SSBP2: variants seen among roughly 807,000 people sequenced by gnomAD.
SSBP2 encodes single-stranded DNA-binding protein 2.
A neutral mutation model predicts 61.8 loss-of-function variants in SSBP2; 17 were observed. The observed-to-expected ratio is 0.28, with a 90% CI of 0.19 to 0.41. The LOEUF (loss-of-function observed/expected upper bound fraction) is 0.41. Ranked by LOEUF, SSBP2 falls within the 10% of genes least tolerant of loss-of-function variation. SSBP2 has a pLI of 1.00. For missense variants in SSBP2, 310 were observed against 458.7 expected, an observed-to-expected ratio of 0.68 and a Z score of 2.96; for synonymous variants, 139 against 141.3, an observed-to-expected ratio of 0.98 and a Z score of 0.12.
At chr5:81,722,530 C>T (rs555455962) in intron 1 of SSBP2, among the ~76,000 whole-genome samples, 2 of 151,840 alleles carry the variant, frequency 1.3e-5, no homozygotes, top group Non-Finnish European at 2.9e-5. Flanking sequence ...ATGGCATGCC[C>T]TGCTAAAGAA....
chr5:81,470,919 C>T (rs1027183108), intron 8 of SSBP2, among the ~76,000 whole-genome samples: 12 of 151,704 alleles, frequency 7.9e-5, no homozygotes, highest in Non-Finnish European at 1.0e-4. Context: ...GAAATAAATA[C>T]GTCATAAGAT....
At chr5:81,518,426 C>T (rs1167991362) in intron 4 of SSBP2, among the ~76,000 whole-genome samples, 1 of 152,046 alleles carries the variant, frequency 6.6e-6, no homozygotes, top group East Asian at 1.9e-4. Flanking sequence ...ATTACACGTC[C>T]TTATAAAAGG....
At chr5:81,516,987 C>A (rs1198536273) in intron 4 of SSBP2, among the ~76,000 whole-genome samples, 2 of 151,974 alleles carry the variant, frequency 1.3e-5, no homozygotes, top group African/African-American at 2.4e-5. Context: ...GATGTTGTGA[C>A]AAAAATCACA....
At chr5:81,654,383 A>C (rs1750028510) in intron 1 of SSBP2, among the ~76,000 whole-genome samples, 1 of 152,202 alleles carries the variant, frequency 6.6e-6, no homozygotes. Context: ...AATTTCCCTG[A>C]AAGTCAGTTT....
intron 2 of SSBP2, among the ~76,000 whole-genome samples, chr5:81,647,055 G>T (rs1274002728): frequency 6.6e-6 from 1 of 152,114 alleles, no homozygotes; most frequent in African/African-American, 2.4e-5. Flanking sequence ...GATGTACTCA[G>T]CAATGGCTTA....
chr5:81,481,947 A>G (rs942189776), intron 6 of SSBP2, among the ~76,000 whole-genome samples: 7 of 151,712 alleles, frequency 4.6e-5, no homozygotes, highest in African/African-American at 1.7e-4. Context: ...ATTTAGTATA[A>G]AATTTTTTTT....
intron 2 of SSBP2, among the ~76,000 whole-genome samples, chr5:81,646,220 A>T (rs1224061422): frequency 6.6e-6 from 1 of 152,140 alleles, no homozygotes; most frequent in East Asian, 1.9e-4. Context: ...CATTAACATC[A>T]CGGTCCTTCT....
Position 81,413,373 on chromosome 5 carries a change from T to C in SSBP2, c.*7131A>G, listed in dbSNP as rs1022541872. ...AGGTAGCTGGTGGCCATCGTTGAAT[T>C]AAGAATAGTAGATTACTAAGAGTCA... On this transcript the variant is annotated 3_prime_UTR_variant, in exon 17 of 17. Coordinates refer to ENST00000320672, the MANE Select transcript of SSBP2 (RefSeq NM_012446.5). 1 of 152,210 alleles carries C rather than the reference T, an allele frequency of 6.6e-6. No individual in the cohort carries two copies. The highest frequency in any genetic ancestry group is 1.5e-5 in the Non-Finnish European group (1 of 68,018). 9.4% of individuals were successfully genotyped at this position (152,210 alleles called of 1,614,324 possible). A position where few individuals can be genotyped will look rare whatever the true frequency, so the allele number is the denominator to read the frequency against.
intron 8 of SSBP2, among the ~76,000 whole-genome samples, chr5:81,472,719 C>T (rs1181766079): frequency 4.6e-5 from 7 of 152,124 alleles, no homozygotes; most frequent in Non-Finnish European, 8.8e-5. Flanking sequence ...TCTGCCTCAT[C>T]CTCTCGAGTA....
chr5:81,550,413 T>G (rs530138053), intron 4 of SSBP2, among the ~76,000 whole-genome samples: 1 of 152,306 alleles, frequency 6.6e-6, no homozygotes, highest in Admixed American at 6.5e-5. Flanking sequence ...GTTGAATAAA[T>G]AGCATTATTG....
intron 1 of SSBP2, among the ~76,000 whole-genome samples, chr5:81,722,655 C>T (rs184393033): frequency 8.5e-5 from 13 of 152,062 alleles, no homozygotes; most frequent in African/African-American, 3.1e-4. Context: ...TTTCTCTAAG[C>T]CTTTGTTTCC....
At chr5:81,680,391 G>T in intron 1 of SSBP2, among the ~76,000 whole-genome samples, 1 of 148,582 alleles carries the variant, frequency 6.7e-6, no homozygotes, top group African/African-American at 2.5e-5. Flanking sequence ...TAATCTATAG[G>T]TTCTGTTTCT....
chr5:81,703,082 T>C (rs1754104093), intron 1 of SSBP2, among the ~76,000 whole-genome samples: 2 of 152,218 alleles, frequency 1.3e-5, no homozygotes, highest in African/African-American at 4.8e-5. Context: ...ATTCTTTGTG[T>C]GGTGGCTACT....
At position 81,571,331 on chromosome 5, in the gene SSBP2, G is replaced by A. The variant is rs1450350406; in HGVS notation, c.282+44142C>T. Among the ~76,000 whole-genome samples, 4 of 151,986 alleles carry A rather than the reference G, an allele frequency of 2.6e-5. No homozygotes were observed. The East Asian group carries it at 7.7e-4, about 29-fold the overall frequency. ...CTTTATTTTTTGAAGGCTTTAGCAA[G>A]ACATTGGGAGGTGAGAGTGCAGTGG... On this transcript the variant is annotated intron_variant, in intron 4 of 16. Transcript: ENST00000320672.
chr5:81,640,440 A>G (rs1748682010), intron 2 of SSBP2, among the ~76,000 whole-genome samples: 1 of 152,220 alleles, frequency 6.6e-6, no homozygotes, highest in South Asian at 2.1e-4. Context: ...GAAAAACTAC[A>G]TATGAACAAT....
At chr5:81,703,484 C>T (rs189672658) in intron 1 of SSBP2, among the ~76,000 whole-genome samples, 171 of 152,128 alleles carry the variant, frequency 1.1e-3, no homozygotes, top group African/African-American at 4.0e-3. Flanking sequence ...GGGTGCAGCA[C>T]ACCAGCATGG....
At chr5:81,433,545 T>G (rs988930591) in intron 15 of SSBP2, among the ~76,000 whole-genome samples, 4 of 145,408 alleles carry the variant, frequency 2.8e-5, no homozygotes, top group Non-Finnish European at 6.0e-5. Context: ...TATTGTCCTA[T>G]GACCCTGCCA....
chr5:81,571,544 A>G (rs1214927203), intron 4 of SSBP2, among the ~76,000 whole-genome samples: 1 of 152,190 alleles, frequency 6.6e-6, no homozygotes, highest in Admixed American at 6.5e-5. Context: ...TATTTTCCCT[A>G]AAGTGCCACT....
intron 1 of SSBP2, among the ~76,000 whole-genome samples, chr5:81,703,391 G>A (rs1272864276): frequency 6.6e-6 from 1 of 152,006 alleles, no homozygotes; most frequent in Non-Finnish European, 1.5e-5. Flanking sequence ...TTGTTAGATG[G>A]ACACTCAAAA....
Sources: gnomAD v4.1 joint callset for allele counts (sites outside exome capture counted in the v4.1 genomes callset) on GRCh38, gnomAD v4.1.1 for gene constraint, MANE v1.5 for transcripts, NCBI Gene and HGNC (gene_info 2026-07-23, HGNC 2026-07-21) for gene names.